IFT88: variants seen among roughly 807,000 people sequenced by gnomAD.
IFT88 encodes the protein intraflagellar transport protein 88 homolog.
IFT88 carries 74 observed loss-of-function variants against 119.5 expected under a neutral mutation model. The observed-to-expected ratio is 0.62, with a 90% CI of 0.51 to 0.75. The LOEUF (loss-of-function observed/expected upper bound fraction) is 0.75. Among genes scored for constraint, IFT88 ranks in the 30% least tolerant of loss-of-function variants. The pLI is 0.00. For synonymous variants in IFT88, 279 were observed against 316.7 expected, an observed-to-expected ratio of 0.88 and a Z score of 1.26; for missense variants, 961 against 977.7, an observed-to-expected ratio of 0.98 and a Z score of 0.23.
intron 9 of IFT88, 113 bp downstream of exon 9, chr13:20,597,232 A>G: frequency 1.8e-6 from 1 of 541,958 alleles, no homozygotes; most frequent in Non-Finnish European, 3.3e-6. Flanking sequence ...GGTGCTCACA[A>G]TTAGATTAAT....
In IFT88 at chr13:20,641,276, C is replaced by A; in HGVS notation, c.1574-14C>A. On this transcript the variant is annotated splice_polypyrimidine_tract_variant and intron_variant, in intron 17 of 25. Transcript: ENST00000351808. ...GATACTTATAGATTTTCTTTTTTTTCTTCTTTTTTTAAGGCCTTACCTATG... is the reference window on the plus strand; with the variant it reads ...GATACTTATAGATTTTCTTTTTTTTATTCTTTTTTTAAGGCCTTACCTATG... 1 of 1,481,088 alleles carries A rather than the reference C, an allele frequency of 6.8e-7. No homozygotes were observed. The highest frequency in any genetic ancestry group is 1.3e-5 in the South Asian group (1 of 79,832). The allele number at this position is 1,481,088 out of a possible 1,614,324, so 91.7% of individuals were successfully genotyped here. A position where few individuals can be genotyped will look rare whatever the true frequency, so the allele number is the denominator to read the frequency against.
At chr13:20,621,468 T>A (rs1337972125) in intron 14 of IFT88, among the ~76,000 whole-genome samples, 2 of 150,588 alleles carry the variant, frequency 1.3e-5, no homozygotes, top group Admixed American at 1.3e-4. Context: ...TCTTGGTCCT[T>A]GTCATTTCCA....
chr13:20,601,822 CCTAA>C lies in IFT88; in HGVS notation c.934_937del (p.Thr312SerfsTer12), dbSNP rs868454096. The C allele has an allele frequency of 1.9e-6, 3 of 1,613,102 alleles. No homozygotes were observed. Among genetic ancestry groups the C allele is most frequent in the Admixed American group, 1.7e-5 (1 of 60,012 alleles). On this transcript the variant is annotated frameshift_variant, in exon 12 of 26. Transcript: ENST00000351808. LOFTEE classifies it high-confidence loss of function. The stretch of plus-strand genomic sequence containing the variant: ...CACCAAATCTGAAGGCAGGCTACAA[CCTAA>C]CTATCTGTTATTTTGCTATTGGAGA...
chr13:20,602,647 G>A (rs375657952), intron 12 of IFT88, among the ~76,000 whole-genome samples: 8 of 152,200 alleles, frequency 5.3e-5, no homozygotes, highest in African/African-American at 1.7e-4. Context: ...CACTTTGGGA[G>A]GCTGAGGTGG....
At chr13:20,591,128 T>C in intron 5 of IFT88, 108 bp downstream of exon 5, 1 of 744,316 alleles carries the variant, frequency 1.3e-6, no homozygotes, top group Non-Finnish European at 2.2e-6. Context: ...AAGAAGATAT[T>C]ACTTATATAG....
chr13:20,639,243 A>G (rs1054397954), intron 17 of IFT88, among the ~76,000 whole-genome samples: 1 of 152,002 alleles, frequency 6.6e-6, no homozygotes, highest in Non-Finnish European at 1.5e-5. Context: ...CATGTTATGG[A>G]CTTTACTTAG....
At chr13:20,631,675 GA>G (rs1477727341) in intron 16 of IFT88, 10 of 152,516 alleles carry the variant, frequency 6.6e-5, no homozygotes, top group African/African-American at 2.4e-4. Flanking sequence ...GGACTTTCAG[GA>G]AAGATTTCAT....
rs1377472269 is a variant in IFT88, at chr13:20,633,273, A to G, written c.1386+2171A>G. ...CTAGGGAAACCTCAGGAAACTTATA[A>G]TCATAGCAGAAGGTGAAGGAGAAGC... On this transcript the variant is annotated intron_variant, in intron 16 of 25. Transcript: ENST00000351808. Among the ~76,000 whole-genome samples, 4 of 152,286 alleles carry G rather than the reference A, an allele frequency of 2.6e-5. No individual in the cohort carries two copies. In the East Asian group the frequency reaches 7.7e-4, roughly 29 times the overall value.
chr13:20,570,007 C>G (rs1416892691), intron 1 of IFT88, among the ~76,000 whole-genome samples: 1 of 149,532 alleles, frequency 6.7e-6, no homozygotes, highest in Non-Finnish European at 1.5e-5. Context: ...CCACTGCCCT[C>G]TAGCCTAGGC....
chr13:20,623,858 C>T (rs2046909644), intron 14 of IFT88, among the ~76,000 whole-genome samples: 1 of 152,112 alleles, frequency 6.6e-6, no homozygotes, highest in African/African-American at 2.4e-5. Flanking sequence ...CTTGGTTATC[C>T]TTATTCCTAA....
intron 12 of IFT88, among the ~76,000 whole-genome samples, chr13:20,603,743 G>A (rs1469609463): frequency 2.0e-5 from 3 of 151,896 alleles, no homozygotes; most frequent in Non-Finnish European, 4.4e-5. Flanking sequence ...AAAAAAATAC[G>A]AAAATTAGCC....
chr13:20,578,332 T>A (rs1183455786), intron 2 of IFT88, among the ~76,000 whole-genome samples: 1 of 145,016 alleles, frequency 6.9e-6, no homozygotes, highest in African/African-American at 2.6e-5. Flanking sequence ...CAGGCGTGAG[T>A]CATTGAGCCT....
At chr13:20,590,126 A>G (rs1005768676) in intron 4 of IFT88, among the ~76,000 whole-genome samples, 4 of 152,158 alleles carry the variant, frequency 2.6e-5, no homozygotes, top group Admixed American at 2.0e-4. Context: ...TTCATTTTCT[A>G]CATGATACAA....
In IFT88 at chr13:20,612,515, G is replaced by A. The variant is rs145456014; in HGVS notation, c.1113-3278G>A. 2.6e-3 allele frequency among the ~76,000 whole-genome samples: 400 copies of A among 152,210 alleles called. 4 individuals are homozygous for A. Among genetic ancestry groups the A allele is most frequent in the African/African-American group, 8.3e-3 (343 of 41,526 alleles). On this transcript the variant is annotated intron_variant, in intron 13 of 25. Transcript: ENST00000351808. ...ATAAAGATACTAAATAAATTATGTCGTATTTTTATGGATAGGCACTTAATG... is the reference window on the plus strand; with the variant it reads ...ATAAAGATACTAAATAAATTATGTCATATTTTTATGGATAGGCACTTAATG...
chr13:20,681,464 A>G (rs551833856), intron 24 of IFT88, among the ~76,000 whole-genome samples: 1 of 152,390 alleles, frequency 6.6e-6, no homozygotes, highest in South Asian at 2.1e-4. Flanking sequence ...TCGCTGGATA[A>G]TAGCTTTAGC....
At chr13:20,602,300 G>C (rs1313471699) in intron 12 of IFT88, among the ~76,000 whole-genome samples, 1 of 145,252 alleles carries the variant, frequency 6.9e-6, no homozygotes, top group Non-Finnish European at 1.5e-5. Flanking sequence ...TGCCTCCCAG[G>C]CTCTGGCAAT....
At chr13:20,580,067 T>TA (rs772904872) in intron 2 of IFT88, among the ~76,000 whole-genome samples, 7 of 152,342 alleles carry the variant, frequency 4.6e-5, no homozygotes, top group Admixed American at 1.3e-4. Flanking sequence ...CATGTATACA[T>TA]ACACAATTTT....
intron 24 of IFT88, among the ~76,000 whole-genome samples, chr13:20,684,361 T>TA (rs1270889826): frequency 6.6e-6 from 1 of 152,054 alleles, no homozygotes. Flanking sequence ...TATAGAGGGG[T>TA]AGGGACAAAC....
chr13:20,684,103 G>T (rs181361263), intron 24 of IFT88, among the ~76,000 whole-genome samples: 1 of 152,350 alleles, frequency 6.6e-6, no homozygotes, highest in Non-Finnish European at 1.5e-5. Flanking sequence ...GAATTTAAAA[G>T]GAAAAGGCTC....
Sources: allele counts gnomAD v4.1 joint callset (sites outside exome capture counted in the v4.1 genomes callset), GRCh38; gene constraint gnomAD v4.1.1; transcripts MANE v1.5; gene names NCBI Gene and HGNC (gene_info 2026-07-23, HGNC 2026-07-21).